WDR3: variants seen among roughly 807,000 people sequenced by gnomAD.
WDR3 encodes WD repeat domain 3.
A neutral mutation model predicts 123.7 loss-of-function variants in WDR3; 81 were observed. That is an observed-to-expected ratio of 0.65 (90% CI 0.55 to 0.79). WDR3 has a LOEUF of 0.79. Among genes scored for constraint, WDR3 ranks in the 30% least tolerant of loss-of-function variants. WDR3 has a pLI of 0.00. For synonymous variants in WDR3, 390 were observed against 388.8 expected, an observed-to-expected ratio of 1.00 and a Z score of -0.04; for missense variants, 1,027 against 1,123.2, an observed-to-expected ratio of 0.91 and a Z score of 1.22.
chr1:117,957,212 A>G lies in WDR3; in HGVS notation c.2582+16A>G. 1 of 1,606,698 alleles carries G rather than the reference A, an allele frequency of 6.2e-7. No homozygotes were observed. Among genetic ancestry groups the G allele is most frequent in the Non-Finnish European group, 8.5e-7 (1 of 1,177,476 alleles). On this transcript the variant is annotated intron_variant, in intron 25 of 26. Coordinates refer to ENST00000349139, the MANE Select transcript of WDR3 (RefSeq NM_006784.3). ...TCCTCCTTAGGTAACATCCTTTTCC[A>G]AAGAATACCATGTCTGTTCAGCAGA...
chr1:117,954,194 T>G, intron 22 of WDR3, 95 bp downstream of exon 22: 1 of 1,004,980 alleles, frequency 1.0e-6, no homozygotes, highest in Non-Finnish European at 1.5e-6. Context: ...GATCAGGATA[T>G]GCAATAAATG....
In WDR3 at chr1:117,959,437, C is replaced by A; in HGVS notation, c.2822C>A (p.Thr941Lys). The change falls in exon 27 of 27, where the codon ACG becomes AAG. Residue 941 changes from threonine (T) to lysine (K), a missense_variant. Coordinates refer to ENST00000349139, the MANE Select transcript of WDR3 (RefSeq NM_006784.3). ...KRKKREKLIL[T>K]LT ...AAAAAGAGGGAGAAGTTGATTCTAA[C>A]GTTGACTTAGAACTGAAATGTGGTA... The A allele has an allele frequency of 6.2e-7, 1 of 1,606,786 alleles. No individual in the cohort carries two copies. Among genetic ancestry groups the A allele is most frequent in the Non-Finnish European group, 8.5e-7 (1 of 1,177,728 alleles).
chr1:117,959,089 A>C, intron 26 of WDR3, 86 bp downstream of exon 26: 1 of 1,372,990 alleles, frequency 7.3e-7, no homozygotes, highest in Non-Finnish European at 1.0e-6. Flanking sequence ...CTTTGTCTTT[A>C]GCAATACCCA....
chr1:117,940,803 T>C, intron 6 of WDR3, 24 bp from the exon 7 acceptor site: 1 of 1,578,028 alleles, frequency 6.3e-7, no homozygotes, highest in South Asian at 1.1e-5. Flanking sequence ...TTTCAGCTTT[T>C]ATTTTCTCAT....
At chr1:117,938,736 C>A (rs988247103) in intron 5 of WDR3, among the ~76,000 whole-genome samples, 178 bp downstream of exon 5, 2 of 152,192 alleles carry the variant, frequency 1.3e-5, no homozygotes, top group African/African-American at 4.8e-5. Context: ...GGAGCAGATA[C>A]TGCTGCTCTG....
intron 5 of WDR3, among the ~76,000 whole-genome samples, 173 bp downstream of exon 5, chr1:117,938,731 A>G (rs111273621): frequency 8.5e-5 from 13 of 152,340 alleles, no homozygotes; most frequent in African/African-American, 3.1e-4. Flanking sequence ...CCATTGGAGC[A>G]GATACTGCTG....
intron 4 of WDR3, among the ~76,000 whole-genome samples, chr1:117,937,302 A>T (rs985502796): frequency 1.3e-5 from 2 of 152,206 alleles, no homozygotes; most frequent in Non-Finnish European, 1.5e-5. Flanking sequence ...AACACCTATT[A>T]GGATGAACCA....
intron 22 of WDR3, among the ~76,000 whole-genome samples, chr1:117,954,306 G>A (rs923213572): frequency 6.6e-6 from 1 of 152,056 alleles, no homozygotes; most frequent in Non-Finnish European, 1.5e-5. Flanking sequence ...ATTACAGATT[G>A]AGGTGATTAT....
chr1:117,953,907 C>A, intron 21 of WDR3, 100 bp from the exon 22 acceptor site: 2 of 934,740 alleles, frequency 2.1e-6, no homozygotes, highest in Non-Finnish European at 3.3e-6. Context: ...CAGATTGAAG[C>A]TATTTCATTT....
chr1:117,934,250 TG>T, intron 2 of WDR3, among the ~76,000 whole-genome samples: 1 of 152,360 alleles, frequency 6.6e-6, no homozygotes. Context: ...CGTAGGGCTT[TG>T]GAGAAAATAA....
intron 21 of WDR3, 40 bp downstream of exon 21, chr1:117,953,581 G>C (rs1462978986): frequency 6.3e-7 from 1 of 1,591,010 alleles, no homozygotes; most frequent in Admixed American, 1.8e-5. Context: ...TTTTTAATAA[G>C]ATCTCAACTT....
In WDR3 at chr1:117,941,200, A is replaced by G. The variant is rs376965695; in HGVS notation, c.866A>G (p.Lys289Arg). Reference sequence around the variant, plus strand: ...AGAGTTGTAAACCTTGCAGTCGACAAGACAGGCAGGATTCTTGCTTGCCAT... The same window carrying G: ...AGAGTTGTAAACCTTGCAGTCGACAGGACAGGCAGGATTCTTGCTTGCCAT... Reference protein sequence around the residue: ...RDRVVNLAVDKTGRILACHGT... With the variant: ...RDRVVNLAVDRTGRILACHGT... The change falls in exon 8 of 27, where the codon AAG (lysine) becomes AGG (arginine). Residue 289 changes from lysine to arginine, a missense_variant. Physicochemically the swap from Lys to Arg is conservative, Grantham distance 26. Transcript: ENST00000349139. 1.9e-6 allele frequency: 3 copies of G among 1,614,046 alleles called. No individual in the cohort carries two copies. The African/African-American group carries it at 4.0e-5, about 22-fold the overall frequency.
Position 117,966,502 on chromosome 1 carries a change from TGAA to T in WDR3, c.*7058_*7060del. 9.0e-7 allele frequency: 1 copy of T among 1,115,690 alleles called. No homozygotes were observed. The highest frequency in any genetic ancestry group is 1.2e-6 in the Non-Finnish European group (1 of 814,256). The allele number at this position is 1,115,690 out of a possible 1,614,324, so 69.1% of individuals were successfully genotyped here. ...GTCTTAATAAATTTAACTCTGATTT[TGAA>T]GATAGAATTAATAAAGTAGAGATGC... On this transcript the variant is annotated 3_prime_UTR_variant, in exon 27 of 27. Transcript: ENST00000349139.
At chr1:117,956,326 GTGATTTTCCTTT>G (rs1486371877) in intron 24 of WDR3, among the ~76,000 whole-genome samples, 1 of 152,024 alleles carries the variant, frequency 6.6e-6, no homozygotes, top group Non-Finnish European at 1.5e-5. Context: ...TATATTATTT[GTGATTTTCCTTT>G]TGATTTTATT....
In WDR3 at chr1:117,942,455, A is replaced by G; in HGVS notation, c.1008A>G (p.Gly336=). Residue 336 remains glycine, a synonymous_variant, in exon 10 of 27, where the codon GGA becomes GGG. Coordinates refer to ENST00000349139, the MANE Select transcript of WDR3 (RefSeq NM_006784.3). ...RKKAKLHSSK[G]EEEDPEVNVE... ...CCTCTAGATTACATTCTAGCAAAGG[A>G]GAGGAGGAAGATCCTGAGGTTAATG... 6.2e-7 allele frequency: 1 copy of G among 1,613,940 alleles called. No homozygotes were observed. The highest frequency in any genetic ancestry group is 8.5e-7 in the Non-Finnish European group (1 of 1,179,864).
Position 117,959,411 on chromosome 1 carries a change from G to A in WDR3, c.2796G>A (p.Arg932=), listed in dbSNP as rs1220328116. The A allele has an allele frequency of 6.2e-7, 1 of 1,610,836 alleles. No individual in the cohort carries two copies. ...TSHLEEKKRK[R]KKREKLILTL... ...ACTTGGAAGAGAAGAAGAGGAAGAGGAAAAAGAGGGAGAAGTTGATTCTAA... is the reference window on the plus strand; with the variant it reads ...ACTTGGAAGAGAAGAAGAGGAAGAGAAAAAAGAGGGAGAAGTTGATTCTAA... The change falls in exon 27 of 27, where the codon AGG becomes AGA. Residue 932 remains arginine, a synonymous_variant. Transcript: ENST00000349139.
At chr1:117,956,493 G>T (rs1339633385) in intron 24 of WDR3, among the ~76,000 whole-genome samples, 1 of 152,116 alleles carries the variant, frequency 6.6e-6, no homozygotes, top group Non-Finnish European at 1.5e-5. Flanking sequence ...TAATGTGGAG[G>T]TTACAATACA....
intron 3 of WDR3, among the ~76,000 whole-genome samples, chr1:117,935,801 G>A (rs1438014762): frequency 6.6e-6 from 1 of 151,994 alleles, no homozygotes; most frequent in Non-Finnish European, 1.5e-5. Flanking sequence ...TGGTAGATTG[G>A]AATACTTGAA....
At chr1:117,943,662 T>G (rs1427251654) in intron 11 of WDR3, 36 bp downstream of exon 11, 3 of 1,585,738 alleles carry the variant, frequency 1.9e-6, no homozygotes, top group Non-Finnish European at 2.6e-6. Flanking sequence ...CTGTAGTTAG[T>G]AGTATTTCTT....
Sources: gnomAD v4.1 joint callset for allele counts (sites outside exome capture counted in the v4.1 genomes callset) on GRCh38, gnomAD v4.1.1 for gene constraint, MANE v1.5 for transcripts, NCBI Gene and HGNC (gene_info 2026-07-23, HGNC 2026-07-21) for gene names.